Variants in PDZRN3 observed in about 807,000 individuals in gnomAD.
The protein encoded by PDZRN3 is PDZ domain containing ring finger 3, also known as E3 ubiquitin-protein ligase PDZRN3.
In PDZRN3, 38 loss-of-function variants were observed where a neutral mutation model predicts 85.7. That is an observed-to-expected ratio of 0.44 (90% CI 0.34 to 0.58). The LOEUF (loss-of-function observed/expected upper bound fraction) is 0.58, where lower values mean the gene tolerates loss of function less well. PDZRN3 is among the 20% of genes least tolerant of loss of function. The pLI is 0.01. For synonymous variants in PDZRN3, 759 were observed against 638.0 expected, an observed-to-expected ratio of 1.19 and a Z score of -2.86; for missense variants, 1,629 against 1,506.4, an observed-to-expected ratio of 1.08 and a Z score of -1.35.
Position 73,383,748 on chromosome 3 carries a change from C to T in PDZRN3, c.2818G>A (p.Asp940Asn). The T allele has an allele frequency of 6.2e-7, 1 of 1,612,452 alleles. No individual in the cohort carries two copies. Among genetic ancestry groups the T allele is most frequent in the Non-Finnish European group, 8.5e-7 (1 of 1,179,956 alleles). The change falls in exon 10 of 10, where the codon GAC becomes AAC. Residue 940 changes from aspartate (D) to asparagine (N), a missense_variant. Transcript: ENST00000263666. ...TRYITKRPVR[D>N]RLLRERALKI... ...AGGGCGCGCTCCCGCAGCAGGCGGT[C>T]CCGCACGGGCCTCTTGGTGATGTAG...
intron 3 of PDZRN3, among the ~76,000 whole-genome samples, chr3:73,555,677 T>C (rs1701677607): frequency 6.6e-6 from 1 of 152,096 alleles, no homozygotes; most frequent in Admixed American, 6.5e-5. Context: ...ATATACCCAG[T>C]GAATTTAACA....
chr3:73,593,709 T>TATACACACACACACACAC (rs1246145951), intron 3 of PDZRN3, among the ~76,000 whole-genome samples: 2 of 141,838 alleles, frequency 1.4e-5, no homozygotes, highest in Non-Finnish European at 3.0e-5. Context: ...GAAATAAATA[T>TATACACACACACACACAC]ACACACACAC....
intron 3 of PDZRN3, among the ~76,000 whole-genome samples, chr3:73,506,039 A>AAAAAAAAT (rs1427436965): frequency 1.3e-5 from 2 of 152,008 alleles, no homozygotes; most frequent in African/African-American, 4.8e-5. Context: ...GAGCAGGTAG[A>AAAAAAAAT]AAAAAAATAA....
At chr3:73,598,559 T>C (rs1702465271) in intron 3 of PDZRN3, among the ~76,000 whole-genome samples, 1 of 152,122 alleles carries the variant, frequency 6.6e-6, no homozygotes, top group South Asian at 2.1e-4. Flanking sequence ...GGAATAGGTA[T>C]GACCAAAGTC....
intron 3 of PDZRN3, among the ~76,000 whole-genome samples, chr3:73,457,544 TG>T (rs1317630315): frequency 1.3e-5 from 2 of 152,182 alleles, no homozygotes; most frequent in Non-Finnish European, 2.9e-5. Context: ...CTGTTCCATG[TG>T]CCCCCTGGAT....
At chr3:73,520,506 A>AACG (rs1356441356) in intron 3 of PDZRN3, among the ~76,000 whole-genome samples, 3 of 152,154 alleles carry the variant, frequency 2.0e-5, no homozygotes, top group African/African-American at 7.2e-5. Flanking sequence ...ACCCTGTGAC[A>AACG]ACGACAACAA....
chr3:73,582,549 G>A (rs898718629), intron 3 of PDZRN3, among the ~76,000 whole-genome samples: 1 of 151,808 alleles, frequency 6.6e-6, no homozygotes, highest in Non-Finnish European at 1.5e-5. Context: ...GATGATTATT[G>A]TTTATACACA....
In PDZRN3 at chr3:73,389,871, G is replaced by C. The variant is rs373207677; in HGVS notation, c.1361C>G (p.Pro454Arg). The stretch of plus-strand genomic sequence containing the variant: ...CCCATCCTTGGCTGCAATGCTGTTA[G>C]GGTCAATCTGAAACACACATGGACC... The part of the protein sequence containing the change: ...DIGIYISEID[P>R]NSIAAKDGRI... Residue 454 changes from proline to arginine, a missense_variant, in exon 7 of 10, where the codon CCT becomes CGT. Pro to Arg is a moderately radical substitution (Grantham distance 103, BLOSUM62 -2). Transcript: ENST00000263666. The C allele has an allele frequency of 4.4e-5, 71 of 1,613,060 alleles. No individual in the cohort carries two copies. Among genetic ancestry groups the C allele is most frequent in the Non-Finnish European group, 5.9e-5 (70 of 1,179,120 alleles).
Position 73,384,634 on chromosome 3 carries a change from C to T in PDZRN3, c.1932G>A (p.Glu644=), listed in dbSNP as rs1214341391. The change falls in exon 10 of 10, where the codon GAG becomes GAA. Residue 644 remains glutamate (E), a synonymous_variant. Transcript: ENST00000263666. ...DYLGIPVDEC[E]RFRELLELKC... is the part of the protein sequence containing the mutation. ...TGAGCTCCAGGAGCTCGCGGAAGCGCTCGCACTCGTCCACCGGGATCCCCA... is the reference window on the plus strand; with the variant it reads ...TGAGCTCCAGGAGCTCGCGGAAGCGTTCGCACTCGTCCACCGGGATCCCCA... 3 of 1,613,746 alleles carry T rather than the reference C, an allele frequency of 1.9e-6. No homozygotes were observed. The highest frequency in any genetic ancestry group is 2.5e-6 in the Non-Finnish European group (3 of 1,180,038).
chr3:73,426,147 G>C (rs557645990), intron 3 of PDZRN3, among the ~76,000 whole-genome samples: 1 of 152,134 alleles, frequency 6.6e-6, no homozygotes, highest in African/African-American at 2.4e-5. Flanking sequence ...TTCAGAGAAA[G>C]AATATGGTGA....
intron 3 of PDZRN3, among the ~76,000 whole-genome samples, chr3:73,519,306 C>T (rs1227203171): frequency 1.3e-5 from 2 of 152,134 alleles, no homozygotes; most frequent in African/African-American, 2.4e-5. Context: ...AGCTGTGGAA[C>T]AGGAGGTTCA....
chr3:73,467,178 C>G (rs986214085), intron 3 of PDZRN3, among the ~76,000 whole-genome samples: 1 of 152,142 alleles, frequency 6.6e-6, no homozygotes, highest in Non-Finnish European at 1.5e-5. Flanking sequence ...TAATGAGCAG[C>G]TTCCAAGCAC....
rs1393788884 is a variant in PDZRN3, at chr3:73,549,862, T to C, written c.918+52492A>G. 3.3e-5 allele frequency among the ~76,000 whole-genome samples: 5 copies of C among 152,168 alleles called. No homozygotes were observed. In the East Asian group the frequency reaches 9.6e-4, roughly 29 times the overall value. On this transcript the variant is annotated intron_variant, in intron 3 of 9. Coordinates refer to ENST00000263666, the MANE Select transcript of PDZRN3 (RefSeq NM_015009.3). ...TATCTCAGTAGAGCTGTACAATCCA[T>C]AGGTAATTTGCTAACCTTAGTAACA...
intron 3 of PDZRN3, among the ~76,000 whole-genome samples, chr3:73,439,467 G>C (rs1702591669): frequency 6.6e-6 from 1 of 152,172 alleles, no homozygotes; most frequent in African/African-American, 2.4e-5. Flanking sequence ...AAATGGTTTA[G>C]TCACTCGTGA....
intron 3 of PDZRN3, among the ~76,000 whole-genome samples, chr3:73,520,628 G>A (rs1704342958): frequency 6.6e-6 from 1 of 152,152 alleles, no homozygotes; most frequent in Non-Finnish European, 1.5e-5. Flanking sequence ...TTAGCAGAGG[G>A]GCGGGAAAAG....
intron 3 of PDZRN3, among the ~76,000 whole-genome samples, chr3:73,541,671 T>C (rs1474950703): frequency 1.3e-5 from 2 of 152,234 alleles, no homozygotes; most frequent in East Asian, 3.9e-4. Context: ...AGCAATTTTT[T>C]TGAATAACTA....
At chr3:73,569,926 A>C (rs886631404) in intron 3 of PDZRN3, among the ~76,000 whole-genome samples, 3 of 152,180 alleles carry the variant, frequency 2.0e-5, no homozygotes, top group Non-Finnish European at 4.4e-5. Flanking sequence ...GGCTGTTTTT[A>C]GGATAAAAGG....
intron 3 of PDZRN3, among the ~76,000 whole-genome samples, chr3:73,501,926 G>C (rs1314727969): frequency 6.6e-6 from 1 of 152,206 alleles, no homozygotes; most frequent in Non-Finnish European, 1.5e-5. Context: ...TGAGGCAGGA[G>C]AATCGCTTGA....
At chr3:73,561,913 ATTTTTTT>A (rs769545083) in intron 3 of PDZRN3, among the ~76,000 whole-genome samples, 2 of 136,642 alleles carry the variant, frequency 1.5e-5, no homozygotes, top group Non-Finnish European at 3.2e-5. Context: ...AACCCAAGTC[ATTTTTTT>A]TTTTTTTTTG....
Sources: gnomAD v4.1 joint callset for allele counts (sites outside exome capture counted in the v4.1 genomes callset) on GRCh38, gnomAD v4.1.1 for gene constraint, MANE v1.5 for transcripts, NCBI Gene and HGNC (gene_info 2026-07-23, HGNC 2026-07-21) for gene names.